The following NUTM2G variants were observed in gnomAD, a reference collection of about 807,000 sequenced individuals.
NUTM2G encodes NUT family member 2G.
A neutral mutation model predicts 44.3 loss-of-function variants in NUTM2G; 29 were observed. The ratio of observed to expected loss-of-function variants is 0.66; its 90% CI spans 0.49 to 0.89. The LOEUF (loss-of-function observed/expected upper bound fraction) is 0.89, where lower values mean the gene tolerates loss of function less well. NUTM2G is among the 40% of genes least tolerant of loss of function. NUTM2G has a pLI of 0.00. For synonymous variants in NUTM2G, 205 were observed against 395.9 expected (o/e 0.52, Z 5.72); for missense variants, 502 against 946.5 (o/e 0.53, Z 6.16).
At chr9:96,933,488 A>C (rs1301639596) in intron 2 of NUTM2G, 2 of 151,076 alleles carry the variant, frequency 1.3e-5, no homozygotes, top group East Asian at 2.0e-4. Flanking sequence ...CTCCTGCCTC[A>C]GCCTCCCAAG....
chr9:96,941,756 AGGAACTTCCTTCCTGACT>A (rs1233559351), downstream of NUTM2G, among the ~76,000 whole-genome samples: 1 of 135,782 alleles, frequency 7.4e-6, no homozygotes, highest in Non-Finnish European at 1.6e-5. Flanking sequence ...CCATCATCTC[AGGAACTTCCTTCCTGACT>A]GGTATCTGGA....
In NUTM2G at chr9:96,937,385, AG is replaced by A. The variant is rs1323628327; in HGVS notation, c.1306del (p.Glu436LysfsTer31). 1 of 1,613,704 alleles carries A rather than the reference AG, an allele frequency of 6.2e-7. No individual in the cohort carries two copies. Among genetic ancestry groups the A allele is most frequent in the East Asian group, 2.2e-5 (1 of 44,874 alleles). ...AGCTACATTGACAAGCTGTGTTCCCAGGAAGACTTTGTCACCAAGGTGGGCT... is the reference window on the plus strand; with the variant it reads ...AGCTACATTGACAAGCTGTGTTCCCAGAAGACTTTGTCACCAAGGTGGGCT... ...LLSYIDKLCSQEDFVTKVEAV... is the reference protein window; with the variant it reads ...LLSYIDKLCSXEDFVTKVEAV... On this transcript the variant is annotated frameshift_variant, in exon 5 of 7. Coordinates refer to ENST00000372322, the MANE Select transcript of NUTM2G (RefSeq NM_001170741.3). LOFTEE classifies it high-confidence loss of function.
intron 3 of NUTM2G, among the ~76,000 whole-genome samples, chr9:96,935,898 G>C (rs1388266966): frequency 6.6e-6 from 1 of 151,790 alleles, no homozygotes; most frequent in African/African-American, 2.4e-5. Context: ...GACACCATGA[G>C]ACCCCTCTCT....
rs544152641 is a variant in NUTM2G, at chr9:96,932,553, A to G, written c.713+135A>G. On this transcript the variant is annotated intron_variant, in intron 2 of 6. Coordinates refer to ENST00000372322, the MANE Select transcript of NUTM2G (RefSeq NM_001170741.3). ...GTGATGGGTTGTGCTATGGGAAGGT[A>G]CATTTTCAGCAACATTAATCTGGCT... 27 of 1,335,802 alleles carry G rather than the reference A, an allele frequency of 2.0e-5. No individual in the cohort carries two copies. The Admixed American group carries it at 3.5e-4, about 17-fold the overall frequency. 82.7% of individuals were successfully genotyped at this position (1,335,802 alleles called of 1,614,324 possible).
Position 96,938,000 on chromosome 9 carries a change from A to C in NUTM2G, c.1439A>C (p.Gln480Pro), listed in dbSNP as rs1826497664. Residue 480 changes from glutamine (Q) to proline (P), a missense_variant and splice_region_variant, in exon 6 of 7, where the codon CAG becomes CCG. Transcript: ENST00000372322. ...LEQEEGLTLA[Q>P]LVEKRLLSLK... is the part of the protein sequence containing the mutation. ...CAGGAGGAAGGACTCACCCTTGCCC[A>C]GGTAGAGCAGCAGAGGGAGGGGAAC... 1.9e-6 allele frequency: 3 copies of C among 1,612,372 alleles called. No homozygotes were observed. Among genetic ancestry groups the C allele is most frequent in the Non-Finnish European group, 2.5e-6 (3 of 1,179,842 alleles).
Position 96,937,359 on chromosome 9 carries a change from G to T in NUTM2G, c.1278G>T (p.Leu426=). The change falls in exon 5 of 7, where the codon CTG becomes CTT. Residue 426 remains leucine (L), a synonymous_variant. Transcript: ENST00000372322. ...EDGMTSDPGL[L]SYIDKLCSQE... is the part of the protein sequence containing the mutation. ...GGATGACCTCAGACCCGGGCCTCCTGAGCTACATTGACAAGCTGTGTTCCC... is the reference window on the plus strand; with the variant it reads ...GGATGACCTCAGACCCGGGCCTCCTTAGCTACATTGACAAGCTGTGTTCCC... The T allele has an allele frequency of 6.2e-7, 1 of 1,613,896 alleles. No homozygotes were observed. Among genetic ancestry groups the T allele is most frequent in the Non-Finnish European group, 8.5e-7 (1 of 1,179,866 alleles).
chr9:96,933,225 G>A (rs1401796208), intron 2 of NUTM2G, among the ~76,000 whole-genome samples: 1 of 151,176 alleles, frequency 6.6e-6, no homozygotes, highest in Non-Finnish European at 1.5e-5. Flanking sequence ...TGATTCTCCC[G>A]CCTCGGCCTC....
At chr9:96,934,891 T>C (rs1412058150) in intron 2 of NUTM2G, among the ~76,000 whole-genome samples, 1 of 151,964 alleles carries the variant, frequency 6.6e-6, no homozygotes, top group Non-Finnish European at 1.5e-5. Flanking sequence ...GAGCTGCCTC[T>C]GGCTGTGTGC....
At chr9:96,930,724 G>C (rs1826212384) in intron 1 of NUTM2G, among the ~76,000 whole-genome samples, 1 of 149,220 alleles carries the variant, frequency 6.7e-6, no homozygotes, top group Non-Finnish European at 1.5e-5. Context: ...GGACCACTGA[G>C]CACTGAGGAA....
chr9:96,931,946 G>A lies in NUTM2G; in HGVS notation c.241G>A (p.Val81Ile), dbSNP rs779519942. The stretch of plus-strand genomic sequence containing the variant: ...CCCAAGTGGGGCTGGGGCTTCCAAC[G>A]TCTTTGTCCAGATGAGGACAGAAGT... ...RGPSGAGASN[V>I]FVQMRTEVGP... The change falls in exon 2 of 7, where the codon GTC (valine) becomes ATC (isoleucine). Residue 81 changes from valine (V) to isoleucine (I), a missense_variant. Coordinates refer to ENST00000372322, the MANE Select transcript of NUTM2G (RefSeq NM_001170741.3). 12 of 1,611,806 alleles carry A rather than the reference G, an allele frequency of 7.4e-6. No homozygotes were observed. The highest frequency in any genetic ancestry group is 2.7e-5 in the African/African-American group (2 of 74,878).
chr9:96,935,207 G>A (rs1227257835), intron 2 of NUTM2G, 121 bp from the exon 3 acceptor site: 1 of 1,496,740 alleles, frequency 6.7e-7, no homozygotes, highest in Non-Finnish European at 9.1e-7. Context: ...ACATGGGGGA[G>A]AACAGGACAG....
Position 96,937,227 on chromosome 9 carries a change from G to GT in NUTM2G, c.1147dup (p.Tyr383LeufsTer20). The GT allele has an allele frequency of 6.2e-7, 1 of 1,613,264 alleles. No individual in the cohort carries two copies. Among genetic ancestry groups the GT allele is most frequent in the Non-Finnish European group, 8.5e-7 (1 of 1,179,880 alleles). On this transcript the variant is annotated frameshift_variant, in exon 5 of 7. Coordinates refer to ENST00000372322, the MANE Select transcript of NUTM2G (RefSeq NM_001170741.3). LOFTEE classifies it high-confidence loss of function. The stretch of plus-strand genomic sequence containing the variant: ...AGATCCCCCCTGAAGTGGTGCAGGA[G>GT]TATGTGGACATCATGGAGGAGCTGC...
chr9:96,940,817 GC>G (rs1416314049), downstream of NUTM2G, among the ~76,000 whole-genome samples: 1 of 152,278 alleles, frequency 6.6e-6, no homozygotes, highest in Non-Finnish European at 1.5e-5. Flanking sequence ...ACAGCAGTCA[GC>G]CAGACAGATG....
downstream of NUTM2G, among the ~76,000 whole-genome samples, chr9:96,940,940 C>G (rs1826576141): frequency 6.6e-6 from 1 of 152,020 alleles, no homozygotes; most frequent in African/African-American, 2.4e-5. Context: ...GCTGAGGGCA[C>G]AACAGGCCCT....
Position 96,930,872 on chromosome 9 carries a change from GTTTTTTTTTTTTTTTTTTTTTT to G in NUTM2G, c.17-831_17-810del, listed in dbSNP as rs1168888338. Among the ~76,000 whole-genome samples, 85 of 72,702 alleles carry G rather than the reference GTTTTTTTTTTTTTTTTTTTTTT, an allele frequency of 1.2e-3. 3 individuals carry two copies. The highest frequency in any genetic ancestry group is 2.6e-3 in the African/African-American group (45 of 17,554). 47.7% of individuals were successfully genotyped at this position (72,702 alleles called of 152,430 possible). ...GGCTTGGGCGAGTTTCCATCCAGTG[GTTTTTTTTTTTTTTTTTTTTTT>G]TTTTTTTTTTTTTTTTTTGAGACGG... On this transcript the variant is annotated intron_variant, in intron 1 of 6. Coordinates refer to ENST00000372322, the MANE Select transcript of NUTM2G (RefSeq NM_001170741.3).
intron 1 of NUTM2G, among the ~76,000 whole-genome samples, chr9:96,930,353 G>A (rs1256628856): frequency 2.6e-5 from 4 of 152,084 alleles, no homozygotes; most frequent in African/African-American, 4.8e-5. Flanking sequence ...GTGAAACCCC[G>A]TCTCTACTAA....
At chr9:96,932,971 T>C (rs917522900) in intron 2 of NUTM2G, among the ~76,000 whole-genome samples, 1 of 148,782 alleles carries the variant, frequency 6.7e-6, no homozygotes, top group African/African-American at 2.5e-5. Context: ...TTCTTTTCTT[T>C]TCTTTTCTTT....
intron 2 of NUTM2G, among the ~76,000 whole-genome samples, chr9:96,932,653 T>A (rs868285778): frequency 1.0e-5 from 1 of 100,294 alleles, no homozygotes; most frequent in Non-Finnish European, 2.0e-5. Flanking sequence ...CAATCCTTAA[T>A]TTTTTTTTTT....
In NUTM2G at chr9:96,935,947, AAGAC is replaced by A. The variant is rs549990604; in HGVS notation, c.843-467_843-464del. The stretch of plus-strand genomic sequence containing the variant: ...TTGCTCCTGGGCAGAACCGTCCGTG[AAGAC>A]AGACAGACAGCAGCCTCAGGGGAAA... On this transcript the variant is annotated intron_variant, in intron 3 of 6. Coordinates refer to ENST00000372322, the MANE Select transcript of NUTM2G (RefSeq NM_001170741.3). 6.9e-3 allele frequency among the ~76,000 whole-genome samples: 1,036 copies of A among 150,256 alleles called. 13 individuals carry two copies. The highest frequency in any genetic ancestry group is 0.024 in the African/African-American group (965 of 40,688).
Sources: allele counts gnomAD v4.1 joint callset (sites outside exome capture counted in the v4.1 genomes callset), GRCh38; gene constraint gnomAD v4.1.1; transcripts MANE v1.5; gene names NCBI Gene and HGNC (gene_info 2026-07-23, HGNC 2026-07-21).